Variants in SH3PXD2A observed in about 807,000 individuals in gnomAD.
The protein encoded by SH3PXD2A is SH3 and PX domain-containing protein 2A.
In SH3PXD2A, 32 loss-of-function variants were observed where a neutral mutation model predicts 115.2. The observed-to-expected ratio is 0.28, with a 90% CI of 0.21 to 0.37. SH3PXD2A has a LOEUF of 0.37. Ranked by LOEUF, SH3PXD2A falls within the 10% of genes least tolerant of loss-of-function variation. SH3PXD2A has a pLI of 1.00. For synonymous variants in SH3PXD2A, 610 were observed against 629.1 expected, an observed-to-expected ratio of 0.97 and a Z score of 0.45; for missense variants, 1,328 against 1,498.7, an observed-to-expected ratio of 0.89 and a Z score of 1.88.
intron 2 of SH3PXD2A, among the ~76,000 whole-genome samples, chr10:103,769,190 G>GCA (rs1200269609): frequency 1.3e-5 from 2 of 149,224 alleles, no homozygotes; most frequent in African/African-American, 5.1e-5. Flanking sequence ...GTGCGCGCGC[G>GCA]CGCGCATTTA....
intron 8 of SH3PXD2A, among the ~76,000 whole-genome samples, chr10:103,652,339 C>T (rs2037139197): frequency 6.6e-6 from 1 of 152,238 alleles, no homozygotes; most frequent in Non-Finnish European, 1.5e-5. Flanking sequence ...CTCCCCCAGA[C>T]TTTGCAGGCC....
chr10:103,602,970 G>C lies in SH3PXD2A; in HGVS notation c.2248C>G (p.Pro750Ala), dbSNP rs746382788. ...GGCCGGACCGATGGCTTGGCCCGGGGACAGGAGGTCAGCCCAGCGTTCGCA... is the reference window on the plus strand; with the variant it reads ...GGCCGGACCGATGGCTTGGCCCGGGCACAGGAGGTCAGCCCAGCGTTCGCA... ...ADANAGLTSC[P>A]RAKPSVRPKP... The change falls in exon 15 of 15, where the codon CCC becomes GCC. Residue 750 changes from proline (P) to alanine (A), a missense_variant. This residue lies in a region of SH3PXD2A where 574 missense variants were observed against 565.7 expected (regional missense o/e 1.01). Transcript: ENST00000369774. 3.7e-6 allele frequency: 6 copies of C among 1,614,254 alleles called. No homozygotes were observed. In the South Asian group the frequency reaches 6.6e-5, roughly 18 times the overall value.
intron 8 of SH3PXD2A, among the ~76,000 whole-genome samples, chr10:103,658,169 A>C (rs1421594915): frequency 6.6e-6 from 1 of 152,234 alleles, no homozygotes; most frequent in East Asian, 1.9e-4. Flanking sequence ...TAGACCAATG[A>C]GAGCACAGAG....
At chr10:103,801,226 G>C in intron 2 of SH3PXD2A, 56 bp downstream of exon 2, 3 of 1,080,120 alleles carry the variant, frequency 2.8e-6, no homozygotes, top group Non-Finnish European at 4.3e-6. Flanking sequence ...GAGGGTATGA[G>C]AGAGGCCAGC....
rs574934797 is a variant in SH3PXD2A at position 103,738,163 on chromosome 10, C to T, written c.230-2355G>A. 4.6e-5 allele frequency among the ~76,000 whole-genome samples: 7 copies of T among 152,346 alleles called. No individual in the cohort carries two copies. The East Asian group carries it at 5.8e-4, about 13-fold the overall frequency. On this transcript the variant is annotated intron_variant, in intron 3 of 14. Transcript: ENST00000369774. ...AGATGGACAACACTGTGCAGACAGA[C>T]GACATCACCAAGATGAAGCGGCTCT...
chr10:103,601,481 G>T lies in SH3PXD2A; in HGVS notation c.*335C>A, dbSNP rs377764288. On this transcript the variant is annotated 3_prime_UTR_variant, in exon 15 of 15. Coordinates refer to ENST00000369774, the MANE Select transcript of SH3PXD2A (RefSeq NM_001394015.1). ...GATCTGTAGCAAAGGCACAACTGGG[G>T]TCTCCCACATGGCCTGTCCCAGATG... 4.9e-6 allele frequency: 1 copy of T among 205,178 alleles called. No homozygotes were observed. The highest frequency in any genetic ancestry group is 9.9e-6 in the Non-Finnish European group (1 of 101,186). 12.7% of individuals were successfully genotyped at this position (205,178 alleles called of 1,614,324 possible).
At chr10:103,825,149 T>A (rs1216024707) in intron 1 of SH3PXD2A, among the ~76,000 whole-genome samples, 1 of 152,212 alleles carries the variant, frequency 6.6e-6, no homozygotes, top group African/African-American at 2.4e-5. Flanking sequence ...GTGAATTCTG[T>A]GAATGCATCC....
chr10:103,661,213 G>T, intron 7 of SH3PXD2A, 99 bp from the exon 8 acceptor site: 2 of 1,418,798 alleles, frequency 1.4e-6, no homozygotes, highest in Non-Finnish European at 1.9e-6. Flanking sequence ...TGGCTGCTCT[G>T]TCGCCAGCGC....
intron 1 of SH3PXD2A, among the ~76,000 whole-genome samples, chr10:103,827,370 G>A (rs896558575): frequency 2.6e-5 from 4 of 152,020 alleles, no homozygotes; most frequent in Admixed American, 1.3e-4. Context: ...CTTCACTCCC[G>A]GTAACACTAC....
chr10:103,807,348 G>A (rs997452772), intron 1 of SH3PXD2A, among the ~76,000 whole-genome samples: 1 of 152,240 alleles, frequency 6.6e-6, no homozygotes, highest in Non-Finnish European at 1.5e-5. Flanking sequence ...GAGCTATGGA[G>A]GAAATTGCAT....
intron 11 of SH3PXD2A, among the ~76,000 whole-genome samples, chr10:103,615,086 T>C (rs980090497): frequency 3.3e-5 from 5 of 152,192 alleles, no homozygotes; most frequent in Non-Finnish European, 5.9e-5. Flanking sequence ...CCTAATCTTA[T>C]GTGAGCCAAC....
chr10:103,783,387 G>A (rs539445921), intron 2 of SH3PXD2A, among the ~76,000 whole-genome samples: 25 of 152,296 alleles, frequency 1.6e-4, no homozygotes, highest in African/African-American at 5.8e-4. Context: ...AGGTTGATGC[G>A]GGGCTGGACC....
chr10:103,841,790 C>T (rs192417348), intron 1 of SH3PXD2A, among the ~76,000 whole-genome samples: 116 of 152,268 alleles, frequency 7.6e-4, no homozygotes, highest in Admixed American at 3.1e-3. Flanking sequence ...TACTCAAAAG[C>T]CACCTCTACA....
At chr10:103,788,765 C>T (rs2039004301) in intron 2 of SH3PXD2A, among the ~76,000 whole-genome samples, 1 of 152,112 alleles carries the variant, frequency 6.6e-6, no homozygotes, top group South Asian at 2.1e-4. Context: ...TACTCTAATC[C>T]CAGCTACTCG....
chr10:103,779,104 C>T (rs1812258), intron 2 of SH3PXD2A, among the ~76,000 whole-genome samples: 24,458 of 152,060 alleles, frequency 0.16, 2,501 homozygotes, highest in African/African-American at 0.27. Context: ...AGTCTTGCTC[C>T]GTCGCCCAGG....
At chr10:103,711,771 G>C (rs1212607863) in intron 5 of SH3PXD2A, among the ~76,000 whole-genome samples, 1 of 152,172 alleles carries the variant, frequency 6.6e-6, no homozygotes, top group African/African-American at 2.4e-5. Context: ...TGTCCCTCTG[G>C]TGGCCAGGCA....
intron 1 of SH3PXD2A, among the ~76,000 whole-genome samples, chr10:103,803,465 A>G (rs574444163): frequency 1.3e-5 from 2 of 152,356 alleles, no homozygotes; most frequent in South Asian, 4.1e-4. Flanking sequence ...TAAAGCATGT[A>G]TATGCATTAG....
chr10:103,685,058 C>A (rs1358717196), intron 6 of SH3PXD2A, among the ~76,000 whole-genome samples: 1 of 151,732 alleles, frequency 6.6e-6, no homozygotes, highest in Non-Finnish European at 1.5e-5. Flanking sequence ...AAAAAAAAGG[C>A]CAGTCATGGT....
chr10:103,714,194 C>A (rs2038078694), intron 5 of SH3PXD2A, among the ~76,000 whole-genome samples: 1 of 152,216 alleles, frequency 6.6e-6, no homozygotes, highest in Non-Finnish European at 1.5e-5. Flanking sequence ...TCTTCCAGGG[C>A]TTACCCCTTC....
Sources: allele counts gnomAD v4.1 joint callset (sites outside exome capture counted in the v4.1 genomes callset), GRCh38; gene constraint gnomAD v4.1.1; regional missense constraint gnomAD v4.1.1; transcripts MANE v1.5; gene names NCBI Gene and HGNC (gene_info 2026-07-23, HGNC 2026-07-21).